The following ZNF732 variants were observed in gnomAD, a reference collection of about 807,000 sequenced individuals.
ZNF732 encodes the protein zinc finger protein LOC654254.
A neutral mutation model predicts 11.5 loss-of-function variants in ZNF732; 12 were observed. The observed-to-expected ratio is 1.05, with a 90% CI of 0.67 to 1.70. The LOEUF (loss-of-function observed/expected upper bound fraction) is 1.70, where lower values mean the gene tolerates loss of function less well. Ranked by LOEUF, ZNF732 falls within the 40% of genes most tolerant of loss-of-function variation. The probability of loss-of-function intolerance (pLI) is 0.00; values close to 1 mark genes in which losing one functional copy is unlikely to be tolerated. For missense variants in ZNF732, 702 were observed against 676.9 expected, an observed-to-expected ratio of 1.04 and a Z score of -0.41; for synonymous variants, 231 against 236.5, an observed-to-expected ratio of 0.98 and a Z score of 0.21.
Position 293,504 on chromosome 4 carries a change from T to C in ZNF732, c.226+1934A>G, listed in dbSNP as rs1455819306. 2.0e-5 allele frequency among the ~76,000 whole-genome samples: 3 copies of C among 151,814 alleles called. No individual in the cohort carries two copies. The East Asian group carries it at 5.8e-4, about 29-fold the overall frequency. On this transcript the variant is annotated intron_variant, in intron 3 of 3. Transcript: ENST00000419098. ...AATGTCAACTCATAAAAGCAGAAAG[T>C]AGAATGGTGGTTGTTGGTGCCTAAG...
rs1553841653 is a variant in ZNF732, at chr4:293,274, A to ATGTGTG, written c.226+2163_226+2164insCACACA. Reference sequence around the variant, plus strand: ...TATATATACACATATATATGTATATATGTATGTGTATATATATATATATAT... The same window carrying ATGTGTG: ...TATATATACACATATATATGTATATATGTGTGTGTATGTGTATATATATATATATAT... On this transcript the variant is annotated intron_variant, in intron 3 of 3. Transcript: ENST00000419098. 8.1e-4 allele frequency among the ~76,000 whole-genome samples: 118 copies of ATGTGTG among 146,042 alleles called. 4 individuals are homozygous for ATGTGTG. Among genetic ancestry groups the ATGTGTG allele is most frequent in the African/African-American group, 2.8e-3 (109 of 39,428 alleles).
rs534476574 is a variant in ZNF732, at chr4:287,012, G to A, written c.226+8426C>T. On this transcript the variant is annotated intron_variant, in intron 3 of 3. Transcript: ENST00000419098. The stretch of plus-strand genomic sequence containing the variant: ...CTAAAAATATGAAAATTATCTGGGC[G>A]TGGTGGTGCACGCCTGTAGTCCCAG... 1.4e-4 allele frequency among the ~76,000 whole-genome samples: 21 copies of A among 152,088 alleles called. No individual in the cohort carries two copies. The South Asian group carries it at 2.1e-3, about 15-fold the overall frequency.
At chr4:278,722 G>C (rs187511202) in intron 3 of ZNF732, among the ~76,000 whole-genome samples, 15 of 152,276 alleles carry the variant, frequency 9.9e-5, no homozygotes, top group Admixed American at 3.3e-4. Context: ...AAAGAGCTAG[G>C]GTCCCAGACC....
chr4:293,360 A>C (rs1274524449), intron 3 of ZNF732, among the ~76,000 whole-genome samples: 2 of 150,680 alleles, frequency 1.3e-5, no homozygotes, highest in Admixed American at 6.6e-5. Context: ...GCCATAAAAG[A>C]AAAGGAAATC....
chr4:298,889 C>G (rs1037157811), intron 1 of ZNF732, among the ~76,000 whole-genome samples: 1 of 152,152 alleles, frequency 6.6e-6, no homozygotes, highest in Non-Finnish European at 1.5e-5. Flanking sequence ...CTTTTTTACA[C>G]TTAACAGATT....
At chr4:284,470 T>C (rs1372839592) in intron 3 of ZNF732, among the ~76,000 whole-genome samples, 1 of 152,048 alleles carries the variant, frequency 6.6e-6, no homozygotes, top group Admixed American at 6.5e-5. Flanking sequence ...ATTTAAAAAA[T>C]CTCAAACACT....
chr4:270,703 A>G lies in ZNF732; in HGVS notation c.*396T>C. 1 of 392,498 alleles carries G rather than the reference A, an allele frequency of 2.5e-6. No individual in the cohort carries two copies. Among genetic ancestry groups the G allele is most frequent in the Non-Finnish European group, 5.0e-6 (1 of 200,006 alleles). The allele number at this position is 392,498 out of a possible 1,614,324, so 24.3% of individuals were successfully genotyped here. On this transcript the variant is annotated 3_prime_UTR_variant, in exon 4 of 4. Transcript: ENST00000419098. ...TTTGTAGGTGTTCTCTCCATTATGA[A>G]TTTTCTCATGTTTATTTATGGGTGA...
At chr4:283,066 A>G (rs1461982969) in intron 3 of ZNF732, among the ~76,000 whole-genome samples, 4 of 152,208 alleles carry the variant, frequency 2.6e-5, no homozygotes, top group African/African-American at 2.4e-5. Context: ...GAGAAAATTA[A>G]TAAGTGAGGC....
rs192686439 is a variant in ZNF732 at position 294,161 on chromosome 4, C to T, written c.226+1277G>A. 7.2e-5 allele frequency among the ~76,000 whole-genome samples: 11 copies of T among 152,274 alleles called. No homozygotes were observed. The South Asian group carries it at 1.5e-3, about 20-fold the overall frequency. On this transcript the variant is annotated intron_variant, in intron 3 of 3. Coordinates refer to ENST00000419098, the MANE Select transcript of ZNF732 (RefSeq NM_001137608.3). ...GATTACAGGCGCCCCCCACCATGCC[C>T]AGCTAACTTTTTGTATTTTTAGTAC...
intron 3 of ZNF732, among the ~76,000 whole-genome samples, chr4:277,156 C>G (rs1719513306): frequency 1.3e-5 from 2 of 151,886 alleles, no homozygotes; most frequent in African/African-American, 4.8e-5. Context: ...ATCACAAATA[C>G]AGATTTAAAT....
chr4:272,535 G>C lies in ZNF732; in HGVS notation c.322C>G (p.His108Asp). 6.2e-7 allele frequency: 1 copy of C among 1,603,608 alleles called. No individual in the cohort carries two copies. Among genetic ancestry groups the C allele is most frequent in the Non-Finnish European group, 8.5e-7 (1 of 1,174,782 alleles). ...LILRRYEKCGHENLELRKSCK... is the reference protein window; with the variant it reads ...LILRRYEKCGDENLELRKSCK... ...CTTTTTCTTAATTCTAAATTCTCAT[G>C]TCCACATTTCTCATATCTTCTTAAT... Residue 108 changes from histidine to aspartate, a missense_variant, in exon 4 of 4, where the codon CAT (histidine) becomes GAT (aspartate). Physicochemically the swap from His to Asp is moderately conservative, Grantham distance 81 (BLOSUM62 -1). Around this residue, in one of 3 missense-constraint regions of ZNF732, gnomAD observed 596 missense variants for 557.9 expected, o/e 1.07. Transcript: ENST00000419098.
chr4:297,689 A>G (rs1719983177), intron 1 of ZNF732, among the ~76,000 whole-genome samples: 1 of 150,680 alleles, frequency 6.6e-6, no homozygotes, highest in Non-Finnish European at 1.5e-5. Flanking sequence ...ACTGGTTTTA[A>G]TTTTATAAAA....
chr4:287,178 A>C (rs1553840695), intron 3 of ZNF732, among the ~76,000 whole-genome samples: 2 of 152,182 alleles, frequency 1.3e-5, no homozygotes, highest in South Asian at 2.1e-4. Flanking sequence ...CAAAAGCAGA[A>C]GCAAAATTGC....
chr4:304,574 CCT>C lies in ZNF732; in HGVS notation c.3+732_3+733del, dbSNP rs397992092. Among the ~76,000 whole-genome samples, 45 of 150,380 alleles carry C rather than the reference CCT, an allele frequency of 3.0e-4. No individual in the cohort carries two copies. The South Asian group carries it at 8.0e-3, about 27-fold the overall frequency. On this transcript the variant is annotated intron_variant, in intron 1 of 3. Transcript: ENST00000419098. ...GCGCTCTTCCCGCAGCTGCCCCCCCCCTGCAGACGGCAGTCCCTGCCTCTGGA... is the reference window on the plus strand; with the variant it reads ...GCGCTCTTCCCGCAGCTGCCCCCCCCGCAGACGGCAGTCCCTGCCTCTGGA...
Position 272,066 on chromosome 4 carries a change from G to T in ZNF732, c.791C>A (p.Thr264Asn). Residue 264 changes from threonine to asparagine, a missense_variant, in exon 4 of 4, where the codon ACC (threonine) becomes AAC (asparagine). Around this residue, in one of 3 missense-constraint regions of ZNF732, gnomAD observed 596 missense variants for 557.9 expected, o/e 1.07. Transcript: ENST00000419098. ...ATGAATTCTCTTATGCTTAGTAAGG[G>T]TTGAGGACCTATTAAAGGCTTTGCC... Reference protein sequence around the residue: ...ECGKAFNRSSTLTKHKRIHAE... With the variant: ...ECGKAFNRSSNLTKHKRIHAE... 6.2e-7 allele frequency: 1 copy of T among 1,609,950 alleles called. No homozygotes were observed. The highest frequency in any genetic ancestry group is 8.5e-7 in the Non-Finnish European group (1 of 1,178,168).
At position 271,855 on chromosome 4, in the gene ZNF732, G is replaced by A. The variant is rs1377041140; in HGVS notation, c.1002C>T (p.Tyr334=). The A allele has an allele frequency of 6.2e-7, 1 of 1,613,530 alleles. No homozygotes were observed. Among genetic ancestry groups the A allele is most frequent in the African/African-American group, 1.3e-5 (1 of 74,916 alleles). The change falls in exon 4 of 4, where the codon TAC becomes TAT. Residue 334 remains tyrosine (Y), a synonymous_variant. Coordinates refer to ENST00000419098, the MANE Select transcript of ZNF732 (RefSeq NM_001137608.3). ...HNRIHTGEKP[Y]TCEECGKAFS... is the part of the protein sequence containing the mutation. Reference sequence around the variant, plus strand: ...AGGCTTTGCCACATTCTTCACATGTGTAGGGTTTCTCTCCAGTATGAATTC... The same window carrying A: ...AGGCTTTGCCACATTCTTCACATGTATAGGGTTTCTCTCCAGTATGAATTC...
At chr4:284,133 G>A (rs534256136) in intron 3 of ZNF732, among the ~76,000 whole-genome samples, 4 of 151,966 alleles carry the variant, frequency 2.6e-5, no homozygotes, top group Admixed American at 6.6e-5. Context: ...GGATGGCCTC[G>A]ATCTCCTGAC....
chr4:274,821 G>T (rs1359738996), intron 3 of ZNF732, among the ~76,000 whole-genome samples: 3 of 151,442 alleles, frequency 2.0e-5, no homozygotes, highest in Non-Finnish European at 4.4e-5. Context: ...AATAATAAAG[G>T]TTCATTTACT....
At chr4:295,408 G>A (rs1581545079) in intron 3 of ZNF732, 30 bp downstream of exon 3, 1 of 1,568,238 alleles carries the variant, frequency 6.4e-7, no homozygotes, top group Non-Finnish European at 8.7e-7. Context: ...CCCCTGGCCT[G>A]TGTCCTCTCC....
Sources: gnomAD v4.1 joint callset for allele counts (sites outside exome capture counted in the v4.1 genomes callset) on GRCh38, gnomAD v4.1.1 for gene constraint, gnomAD v4.1.1 regional missense constraint, MANE v1.5 for transcripts, NCBI Gene and HGNC (gene_info 2026-07-23, HGNC 2026-07-21) for gene names.